SEC14L1: variants seen among roughly 807,000 people sequenced by gnomAD.
The protein encoded by SEC14L1 is SEC14-like protein 1.
In SEC14L1, 48 loss-of-function variants were observed where a neutral mutation model predicts 85.3. That is an observed-to-expected ratio of 0.56 (90% CI 0.45 to 0.72). The LOEUF (loss-of-function observed/expected upper bound fraction) is 0.72. Ranked by LOEUF, SEC14L1 falls within the 30% of genes least tolerant of loss-of-function variation. SEC14L1 has a pLI of 0.00. For synonymous variants in SEC14L1, 391 were observed against 355.5 expected, an observed-to-expected ratio of 1.10 and a Z score of -1.12; for missense variants, 682 against 921.4, an observed-to-expected ratio of 0.74 and a Z score of 3.36.
chr17:77,204,522 C>CATTTTT (rs1555628453), intron 10 of SEC14L1, among the ~76,000 whole-genome samples: 2 of 84,728 alleles, frequency 2.4e-5, no homozygotes, highest in African/African-American at 4.0e-5. Context: ...GCCCAGCCAG[C>CATTTTT]TTTTTTTTTT....
chr17:77,177,714 A>G (rs1002546097), intron 3 of SEC14L1, among the ~76,000 whole-genome samples: 6 of 152,138 alleles, frequency 3.9e-5, no homozygotes, highest in Non-Finnish European at 7.3e-5. Context: ...TAGACATGCT[A>G]GTGTTTTAGC....
At chr17:77,129,111 G>GATAATA (rs1972539119) in intron 3 of SEC14L1, among the ~76,000 whole-genome samples, 1 of 152,138 alleles carries the variant, frequency 6.6e-6, no homozygotes, top group Non-Finnish European at 1.5e-5. Context: ...TAGGCGGGAC[G>GATAATA]ATAATAATAA....
At position 77,216,201 on chromosome 17, in the gene SEC14L1, A is replaced by C. The variant is rs878889920; in HGVS notation, c.*2178A>C. 1.1e-3 allele frequency: 932 copies of C among 816,088 alleles called. 48 individuals carry two copies. The South Asian group carries it at 0.012, about 10-fold the overall frequency. 50.6% of individuals were successfully genotyped at this position (816,088 alleles called of 1,614,324 possible). The stretch of plus-strand genomic sequence containing the variant: ...GTAGGTAGGGTTAGTAGGTAGGGCT[A>C]GTAGGTAGGGCTAGTAGGTAGGGTT... On this transcript the variant is annotated 3_prime_UTR_variant, in exon 17 of 17. Transcript: ENST00000436233.
chr17:77,121,609 G>A (rs986939125), intron 3 of SEC14L1, among the ~76,000 whole-genome samples: 2 of 152,104 alleles, frequency 1.3e-5, no homozygotes, highest in Middle Eastern at 3.4e-3. Context: ...CACCCACCTC[G>A]GCCTCCCAAA....
upstream of SEC14L1, among the ~76,000 whole-genome samples, chr17:77,136,039 A>ATT (rs146990547): frequency 1.8e-4 from 26 of 147,338 alleles, no homozygotes; most frequent in African/African-American, 6.5e-4. Context: ...CGCCCGGCTA[A>ATT]TTTTTTTTTT....
chr17:77,178,909 C>T (rs1974880279), intron 3 of SEC14L1, among the ~76,000 whole-genome samples: 1 of 152,208 alleles, frequency 6.6e-6, no homozygotes, highest in African/African-American at 2.4e-5. Flanking sequence ...GAGGGTGGAA[C>T]ACACAGATGG....
chr17:77,107,392 G>GA lies in SEC14L1; in HGVS notation c.-136+14049dup, dbSNP rs1194788769. On this transcript the variant is annotated intron_variant, in intron 3 of 19. Transcript: ENST00000392476. The stretch of plus-strand genomic sequence containing the variant: ...CAGCTATTGAGCGCTGGGTAGGAAC[G>GA]AAAAGAAAGAGTCTCCTTCGTGTAG... Among the ~76,000 whole-genome samples, 10 of 152,228 alleles carry GA rather than the reference G, an allele frequency of 6.6e-5. No homozygotes were observed. The South Asian group carries it at 1.0e-3, about 16-fold the overall frequency.
chr17:77,133,155 G>A (rs1276681246), intron 3 of SEC14L1, among the ~76,000 whole-genome samples: 5 of 152,154 alleles, frequency 3.3e-5, no homozygotes, highest in African/African-American at 1.2e-4. Context: ...TTACAGGCAT[G>A]AGCCACTGCA....
chr17:77,119,369 G>A (rs937024416), intron 3 of SEC14L1, among the ~76,000 whole-genome samples: 1 of 151,630 alleles, frequency 6.6e-6, no homozygotes, highest in Non-Finnish European at 1.5e-5. Flanking sequence ...TAGGGATTAC[G>A]GGCGAATTCC....
At chr17:77,164,486 C>T (rs929147435) in intron 3 of SEC14L1, among the ~76,000 whole-genome samples, 2 of 152,182 alleles carry the variant, frequency 1.3e-5, no homozygotes, top group Non-Finnish European at 2.9e-5. Context: ...TCCCAGCGCT[C>T]CCCCTTTGTT....
At chr17:77,142,161 C>T (rs1421107257) in intron 1 of SEC14L1, among the ~76,000 whole-genome samples, 2 of 152,146 alleles carry the variant, frequency 1.3e-5, no homozygotes, top group African/African-American at 2.4e-5. Flanking sequence ...CACCCAGAGT[C>T]ATTCCTTAGC....
intron 3 of SEC14L1, among the ~76,000 whole-genome samples, chr17:77,157,436 G>A (rs564325441): frequency 2.6e-5 from 4 of 152,248 alleles, no homozygotes; most frequent in South Asian, 2.1e-4. Flanking sequence ...GATTCTTAAC[G>A]CCTGCTCAAG....
At chr17:77,191,438 T>A in intron 5 of SEC14L1, 126 bp downstream of exon 5, 1 of 1,024,710 alleles carries the variant, frequency 9.8e-7, no homozygotes, top group Non-Finnish European at 1.5e-6. Flanking sequence ...ATGTTGTCAC[T>A]CATTTCTCAT....
chr17:77,171,861 C>G (rs562409985), intron 3 of SEC14L1, among the ~76,000 whole-genome samples: 1 of 152,182 alleles, frequency 6.6e-6, no homozygotes, highest in Non-Finnish European at 1.5e-5. Flanking sequence ...TTCTTTTGAC[C>G]ATACATCTGG....
intron 3 of SEC14L1, among the ~76,000 whole-genome samples, chr17:77,175,365 G>C (rs934891711): frequency 6.6e-5 from 10 of 152,234 alleles, no homozygotes; most frequent in African/African-American, 2.2e-4. Flanking sequence ...CTTCACAGAA[G>C]GGGGTGGGCT....
intron 3 of SEC14L1, among the ~76,000 whole-genome samples, chr17:77,124,358 C>T (rs1054967345): frequency 2.0e-5 from 3 of 152,098 alleles, no homozygotes; most frequent in Non-Finnish European, 2.9e-5. Flanking sequence ...AGCAAGATTC[C>T]GTCTCAAAAC....
At chr17:77,212,922 C>T (rs534130513) in intron 15 of SEC14L1, among the ~76,000 whole-genome samples, 1 of 152,210 alleles carries the variant, frequency 6.6e-6, no homozygotes, top group Admixed American at 6.5e-5. Context: ...GTGCCTTCAG[C>T]CCCGAACATG....
intron 5 of SEC14L1, among the ~76,000 whole-genome samples, chr17:77,193,217 A>C (rs1975629529): frequency 6.6e-6 from 1 of 152,210 alleles, no homozygotes; most frequent in African/African-American, 2.4e-5. Context: ...TTGAACAATT[A>C]TTTGGATCTC....
Position 77,193,418 on chromosome 17 carries a change from C to A in SEC14L1, c.346-3C>A, listed in dbSNP as rs73363448. 1.3e-6 allele frequency: 2 copies of A among 1,594,556 alleles called. No homozygotes were observed. The highest frequency in any genetic ancestry group is 1.7e-6 in the Non-Finnish European group (2 of 1,166,274). On this transcript the variant is annotated splice_region_variant and splice_polypyrimidine_tract_variant and intron_variant, in intron 5 of 16. Coordinates refer to ENST00000436233, the MANE Select transcript of SEC14L1 (RefSeq NM_001143998.2). ...AGTGAGAGTGCTTTCTCTTTATCTGCAGGTTCACCCTGAAAATGAAGATTG... is the reference window on the plus strand; with the variant it reads ...AGTGAGAGTGCTTTCTCTTTATCTGAAGGTTCACCCTGAAAATGAAGATTG...
Sources: gnomAD v4.1 joint callset for allele counts (sites outside exome capture counted in the v4.1 genomes callset) on GRCh38, gnomAD v4.1.1 for gene constraint, MANE v1.5 for transcripts, NCBI Gene and HGNC (gene_info 2026-07-23, HGNC 2026-07-21) for gene names.